NALCN: variants seen among roughly 807,000 people sequenced by gnomAD.
NALCN encodes sodium leak channel, non-selective, also known as sodium leak channel NALCN.
NALCN carries 111 observed loss-of-function variants against 225.3 expected under a neutral mutation model. The observed-to-expected ratio is 0.49, with a 90% CI of 0.42 to 0.58. The LOEUF (loss-of-function observed/expected upper bound fraction) is 0.58, where lower values mean the gene tolerates loss of function less well. Among genes scored for constraint, NALCN ranks in the 20% least tolerant of loss-of-function variants. NALCN has a pLI of 0.00. For missense variants in NALCN, 1,378 were observed against 2,202.4 expected, an observed-to-expected ratio of 0.63 and a Z score of 7.49; for synonymous variants, 764 against 769.0, an observed-to-expected ratio of 0.99 and a Z score of 0.11.
chr13:101,208,658 G>A (rs939576295), intron 13 of NALCN, among the ~76,000 whole-genome samples: 8 of 152,190 alleles, frequency 5.3e-5, no homozygotes, highest in African/African-American at 1.2e-4. Context: ...TTTAGGTCAC[G>A]GGGCAGCTGT....
At chr13:101,232,363 A>G (rs1395023463) in intron 12 of NALCN, among the ~76,000 whole-genome samples, 3 of 152,188 alleles carry the variant, frequency 2.0e-5, no homozygotes, top group Non-Finnish European at 2.9e-5. Context: ...CAATTTTTAA[A>G]CATATGTAAG....
At chr13:101,308,453 C>T (rs1418806080) in intron 7 of NALCN, among the ~76,000 whole-genome samples, 2 of 152,196 alleles carry the variant, frequency 1.3e-5, no homozygotes, top group African/African-American at 4.8e-5. Flanking sequence ...GGCAGAGATG[C>T]CACAGAGGCC....
intron 10 of NALCN, among the ~76,000 whole-genome samples, chr13:101,279,782 AC>A (rs1317368040): frequency 2.0e-5 from 3 of 150,004 alleles, no homozygotes; most frequent in Non-Finnish European, 4.4e-5. Flanking sequence ...CCGCCACTGC[AC>A]TCCAGCCTGG....
At chr13:101,193,778 T>C (rs1292467671) in intron 13 of NALCN, among the ~76,000 whole-genome samples, 1 of 152,234 alleles carries the variant, frequency 6.6e-6, no homozygotes, top group Non-Finnish European at 1.5e-5. Context: ...AATTATTTTT[T>C]TCCTGTATTT....
chr13:101,208,111 A>G (rs1339375160), intron 13 of NALCN, among the ~76,000 whole-genome samples: 1 of 151,880 alleles, frequency 6.6e-6, no homozygotes. Flanking sequence ...ACAACTCCAG[A>G]TGCGCCACCT....
chr13:101,254,143 G>T (rs1429447031), intron 11 of NALCN, among the ~76,000 whole-genome samples: 2 of 152,044 alleles, frequency 1.3e-5, no homozygotes, highest in African/African-American at 4.8e-5. Flanking sequence ...AGCACTCTGG[G>T]AGGTCAAGAT....
chr13:101,128,646 C>G (rs962988114), intron 17 of NALCN, among the ~76,000 whole-genome samples: 1 of 152,044 alleles, frequency 6.6e-6, no homozygotes, highest in African/African-American at 2.4e-5. Context: ...CAGTCTTGAC[C>G]TCCTGGGCTG....
At chr13:101,174,544 T>A (rs1175398877) in intron 15 of NALCN, among the ~76,000 whole-genome samples, 3 of 152,108 alleles carry the variant, frequency 2.0e-5, no homozygotes, top group African/African-American at 7.2e-5. Flanking sequence ...TTGTGACCAC[T>A]AGATATAAAG....
rs576441448 is a variant in NALCN, at chr13:101,101,580, C to G, written c.3058-692G>C. ...ACAGGCGTGAGCCACTATGCCTGGC[C>G]TGGATTCATATTTTTATTAGCAGAG... On this transcript the variant is annotated intron_variant, in intron 26 of 43. Transcript: ENST00000251127. 3.9e-5 allele frequency among the ~76,000 whole-genome samples: 6 copies of G among 152,244 alleles called. No homozygotes were observed. The South Asian group carries it at 1.2e-3, about 32-fold the overall frequency.
At chr13:101,140,824 T>C (rs912932258) in intron 17 of NALCN, among the ~76,000 whole-genome samples, 2 of 152,164 alleles carry the variant, frequency 1.3e-5, no homozygotes, top group African/African-American at 4.8e-5. Flanking sequence ...CTCGGGAGGC[T>C]GAGGCAGGAG....
chr13:101,170,981 G>A (rs981441277), intron 15 of NALCN, among the ~76,000 whole-genome samples: 2 of 152,016 alleles, frequency 1.3e-5, no homozygotes, highest in African/African-American at 4.8e-5. Context: ...TTCAAACCTT[G>A]CAAAACTCTG....
intron 17 of NALCN, among the ~76,000 whole-genome samples, chr13:101,138,019 T>C (rs963474613): frequency 6.6e-6 from 1 of 152,226 alleles, no homozygotes; most frequent in Non-Finnish European, 1.5e-5. Flanking sequence ...ATGCTTTGCA[T>C]ACCTTTGCAT....
intron 22 of NALCN, 58 bp from the exon 23 acceptor site, chr13:101,105,008 A>G: frequency 2.0e-6 from 3 of 1,470,708 alleles, no homozygotes; most frequent in Non-Finnish European, 2.8e-6. Context: ...TTAACTTGCT[A>G]AAAATCATAT....
intron 1 of NALCN, among the ~76,000 whole-genome samples, chr13:101,407,125 G>T (rs1372751683): frequency 6.6e-6 from 1 of 152,152 alleles, no homozygotes. Flanking sequence ...CAGTTGTTAT[G>T]ATTTGTTTTG....
At chr13:101,061,102 AAAGT>A (rs1227602450) in intron 41 of NALCN, among the ~76,000 whole-genome samples, 1 of 152,230 alleles carries the variant, frequency 6.6e-6, no homozygotes. Context: ...AGCATTCATA[AAAGT>A]AATTATCTCA....
At chr13:101,070,910 A>G (rs1420377243) in intron 37 of NALCN, among the ~76,000 whole-genome samples, 1 of 152,206 alleles carries the variant, frequency 6.6e-6, no homozygotes, top group Non-Finnish European at 1.5e-5. Flanking sequence ...AGGCCTCAGG[A>G]GATTTACAAT....
intron 10 of NALCN, among the ~76,000 whole-genome samples, chr13:101,282,115 A>G (rs772265050): frequency 5.3e-5 from 8 of 152,220 alleles, no homozygotes; most frequent in Non-Finnish European, 7.3e-5. Context: ...CAAAAAATTA[A>G]AAATAGAACT....
At chr13:101,115,097 C>T (rs138341372) in intron 18 of NALCN, among the ~76,000 whole-genome samples, 2 of 152,274 alleles carry the variant, frequency 1.3e-5, no homozygotes, top group African/African-American at 4.8e-5. Context: ...TTTCTGATCA[C>T]TCCCTGCTTT....
At chr13:101,269,211 C>CATATATATATATATAT (rs60240326) in intron 10 of NALCN, among the ~76,000 whole-genome samples, 24 of 145,558 alleles carry the variant, frequency 1.6e-4, no homozygotes, top group South Asian at 4.5e-4. Context: ...AGAAAAAGCT[C>CATATATATATATATAT]ATATATATAT....
Sources: gnomAD v4.1 joint callset for allele counts (sites outside exome capture counted in the v4.1 genomes callset) on GRCh38, gnomAD v4.1.1 for gene constraint, MANE v1.5 for transcripts, NCBI Gene and HGNC (gene_info 2026-07-23, HGNC 2026-07-21) for gene names.